The following NR2C1 variants were observed in gnomAD, a reference collection of about 807,000 sequenced individuals.
NR2C1 encodes the protein TR2 nuclear hormone receptor.
NR2C1 carries 33 observed loss-of-function variants against 74.8 expected under a neutral mutation model. The observed-to-expected ratio is 0.44, with a 90% CI of 0.33 to 0.59. NR2C1 has a LOEUF of 0.59. NR2C1 is among the 20% of genes least tolerant of loss of function. The pLI is 0.02. For synonymous variants in NR2C1, 225 were observed against 240.6 expected (o/e 0.94, Z 0.60); for missense variants, 568 against 715.6 (o/e 0.79, Z 2.35).
At chr12:95,054,578 C>T (rs1456460109) in intron 7 of NR2C1, among the ~76,000 whole-genome samples, 1 of 152,106 alleles carries the variant, frequency 6.6e-6, no homozygotes, top group African/African-American at 2.4e-5. Flanking sequence ...TGCTGGGATA[C>T]AGGCTTGAGC....
In NR2C1 at chr12:95,040,489, A is replaced by C. The variant is rs1470460291; in HGVS notation, c.1240T>G (p.Phe414Val). Residue 414 changes from phenylalanine to valine, a missense_variant, in exon 10 of 14, where the codon TTC (phenylalanine) becomes GTC (valine). Phe to Val is a conservative substitution (Grantham distance 50). Transcript: ENST00000333003. The stretch of plus-strand genomic sequence containing the variant: ...CAAAACACTCACCCTAGAGCCTGGA[A>C]AGAAGGAATCGAAAGTGCCCAGTGC... ...SMHWALSIPSFQALGQENSIS... is the reference protein window; with the variant it reads ...SMHWALSIPSVQALGQENSIS... 2 of 1,613,716 alleles carry C rather than the reference A, an allele frequency of 1.2e-6. No homozygotes were observed. Among genetic ancestry groups the C allele is most frequent in the Non-Finnish European group, 8.5e-7 (1 of 1,179,728 alleles).
chr12:95,033,126 C>A, intron 10 of NR2C1, among the ~76,000 whole-genome samples: 1 of 149,454 alleles, frequency 6.7e-6, no homozygotes, highest in Non-Finnish European at 1.5e-5. Flanking sequence ...AGCCTCTAAC[C>A]TGGCACAGGA....
In NR2C1 at chr12:95,031,546, C is replaced by T. The variant is rs190492785; in HGVS notation, c.1254-58G>A. On this transcript the variant is annotated intron_variant, in intron 10 of 13. Coordinates refer to ENST00000333003, the MANE Select transcript of NR2C1 (RefSeq NM_003297.4). ...ATATTATTAAAATAAGTTTTATAAA[C>T]CTTACAGCTAGTCCAAATACTTAAA... is the stretch of plus-strand genomic sequence containing the variant. 4 of 1,336,916 alleles carry T rather than the reference C, an allele frequency of 3.0e-6. No individual in the cohort carries two copies. The East Asian group carries it at 1.0e-4, about 34-fold the overall frequency. 82.8% of individuals were successfully genotyped at this position (1,336,916 alleles called of 1,614,324 possible).
chr12:95,038,495 C>T (rs940479910), intron 10 of NR2C1, among the ~76,000 whole-genome samples: 8 of 152,236 alleles, frequency 5.3e-5, no homozygotes, highest in African/African-American at 1.4e-4. Flanking sequence ...CAGAGGCTCA[C>T]GCCTATAACA....
chr12:95,061,077 ACAT>A (rs1445725224), intron 3 of NR2C1, among the ~76,000 whole-genome samples: 1 of 152,188 alleles, frequency 6.6e-6, no homozygotes, highest in Admixed American at 6.5e-5. Context: ...CATGAGAAAA[ACAT>A]CAGACCAAGT....
intron 10 of NR2C1, among the ~76,000 whole-genome samples, chr12:95,037,403 C>T (rs996659573): frequency 6.6e-6 from 1 of 152,132 alleles, no homozygotes; most frequent in Non-Finnish European, 1.5e-5. Context: ...TACTGACAAT[C>T]AACACCTTTG....
chr12:95,030,347 T>C, intron 11 of NR2C1: 1 of 753,264 alleles, frequency 1.3e-6, no homozygotes, highest in Non-Finnish European at 1.8e-6. Flanking sequence ...CTACCAAGAC[T>C]ACTATAATAA....
chr12:95,044,262 C>T (rs140997628), intron 9 of NR2C1, among the ~76,000 whole-genome samples: 44 of 151,564 alleles, frequency 2.9e-4, no homozygotes, highest in African/African-American at 9.9e-4. Context: ...TAACAGCCTG[C>T]GTGATATAGC....
chr12:95,039,562 T>C (rs1475524185), intron 10 of NR2C1, among the ~76,000 whole-genome samples: 1 of 152,252 alleles, frequency 6.6e-6, no homozygotes, highest in African/African-American at 2.4e-5. Flanking sequence ...TGGCAAACTT[T>C]AGGTAAAGCT....
At position 95,028,495 on chromosome 12, in the gene NR2C1, A is replaced by G. The variant is rs1869647201; in HGVS notation, c.1423T>C (p.Leu475=). The change falls in exon 12 of 14, where the codon TTG becomes CTG. Residue 475 remains leucine, a synonymous_variant. Transcript: ENST00000333003. ...TGTAGTTTGAAGATGTGCTCCATCA[A>G]TAATTTTCTTCTTTCTGTTGACATT... ...DKMSTERRKL[L]MEHIFKLQEF... 1.9e-6 allele frequency: 3 copies of G among 1,566,636 alleles called. No individual in the cohort carries two copies. Among genetic ancestry groups the G allele is most frequent in the Admixed American group, 1.8e-5 (1 of 57,106 alleles).
intron 7 of NR2C1, 94 bp downstream of exon 7, chr12:95,057,459 T>C: frequency 1.1e-6 from 1 of 907,278 alleles, no homozygotes; most frequent in Non-Finnish European, 1.6e-6. Context: ...ATGGAATATT[T>C]AAGAACAAAG....
intron 13 of NR2C1, among the ~76,000 whole-genome samples, chr12:95,023,848 T>C (rs1037427538): frequency 2.0e-5 from 3 of 152,180 alleles, no homozygotes; most frequent in Admixed American, 6.5e-5. Flanking sequence ...TAATGAGGCA[T>C]AGAGTAACTT....
chr12:95,067,124 C>T (rs1592797394), intron 2 of NR2C1: 1 of 584,236 alleles, frequency 1.7e-6, no homozygotes, highest in Non-Finnish European at 3.0e-6. Context: ...TCTGTGCTCC[C>T]ATTGCACCTG....
At chr12:95,036,386 A>G (rs1319562232) in intron 10 of NR2C1, among the ~76,000 whole-genome samples, 1 of 152,098 alleles carries the variant, frequency 6.6e-6, no homozygotes, top group Non-Finnish European at 1.5e-5. Context: ...CAGCCTGGAC[A>G]ACAGTGAGAC....
At chr12:95,064,008 G>A (rs907413401) in intron 2 of NR2C1, among the ~76,000 whole-genome samples, 2 of 123,028 alleles carry the variant, frequency 1.6e-5, no homozygotes, top group Non-Finnish European at 3.2e-5. Flanking sequence ...CAGCCTGGGC[G>A]ACAGAGGACT....
At chr12:95,070,806 C>A (rs1371842792) in intron 1 of NR2C1, among the ~76,000 whole-genome samples, 1 of 152,220 alleles carries the variant, frequency 6.6e-6, no homozygotes, top group Non-Finnish European at 1.5e-5. Flanking sequence ...CATTTCCTAT[C>A]ACTCCCAAGA....
At chr12:95,037,656 G>A (rs577347448) in intron 10 of NR2C1, among the ~76,000 whole-genome samples, 3 of 152,268 alleles carry the variant, frequency 2.0e-5, no homozygotes, top group African/African-American at 7.2e-5. Context: ...AGCACTTTGG[G>A]AGGCCCAGGC....
intron 3 of NR2C1, 32 bp from the exon 4 acceptor site, chr12:95,060,016 A>C: frequency 6.7e-7 from 1 of 1,502,732 alleles, no homozygotes; most frequent in South Asian, 1.3e-5. Context: ...AAGAAAACAA[A>C]AACGAAAACC....
rs190666677 is a variant in NR2C1, at chr12:95,063,363, C to T, written c.55-625G>A. Among the ~76,000 whole-genome samples, 5 of 152,142 alleles carry T rather than the reference C, an allele frequency of 3.3e-5. No individual in the cohort carries two copies. The East Asian group carries it at 9.7e-4, about 29-fold the overall frequency. On this transcript the variant is annotated intron_variant, in intron 2 of 13. Coordinates refer to ENST00000333003, the MANE Select transcript of NR2C1 (RefSeq NM_003297.4). ...TTTGACACATGTGAGGCACAAGGCACAGCAATAGAGATATATGATGAGTAA... is the reference window on the plus strand; with the variant it reads ...TTTGACACATGTGAGGCACAAGGCATAGCAATAGAGATATATGATGAGTAA...
Sources: gnomAD v4.1 joint callset for allele counts (sites outside exome capture counted in the v4.1 genomes callset) on GRCh38, gnomAD v4.1.1 for gene constraint, MANE v1.5 for transcripts, NCBI Gene and HGNC (gene_info 2026-07-23, HGNC 2026-07-21) for gene names.